Variants in ADAMTSL1 observed in about 807,000 individuals in gnomAD.
ADAMTSL1 encodes ADAMTS like 1.
ADAMTSL1 carries 126 observed loss-of-function variants against 201.8 expected under a neutral mutation model. The observed-to-expected ratio is 0.62, with a 90% confidence interval of 0.54 to 0.72. The LOEUF is 0.72. Among genes scored for constraint, ADAMTSL1 ranks in the 30% least tolerant of loss-of-function variants. The pLI, the probability that ADAMTSL1 is intolerant of heterozygous loss-of-function variation, is 0.00. For missense variants in ADAMTSL1, 2,679 were observed against 2,277.8 expected (o/e 1.18, Z -3.59); for synonymous variants, 1,121 against 903.4 (o/e 1.24, Z -4.32).
At chr9:18,792,146 C>A (rs1214157607) in intron 19 of ADAMTSL1, among the ~76,000 whole-genome samples, 1 of 152,078 alleles carries the variant, frequency 6.6e-6, no homozygotes, top group Non-Finnish European at 1.5e-5. Context: ...ATCATGTGCC[C>A]CTCTCACTCC....
intron 3 of ADAMTSL1, among the ~76,000 whole-genome samples, chr9:18,572,181 C>T (rs577309710): frequency 4.6e-4 from 68 of 148,702 alleles, no homozygotes; most frequent in African/African-American, 1.6e-3. Context: ...GGAGACAGAG[C>T]GAGACTCCTT....
At chr9:18,432,211 T>G (rs958340208) in intron 2 of ADAMTSL1, among the ~76,000 whole-genome samples, 7 of 152,164 alleles carry the variant, frequency 4.6e-5, no homozygotes, top group Admixed American at 2.6e-4. Flanking sequence ...TTTAATCAAA[T>G]CACTGATGAA....
chr9:18,320,258 C>T (rs1834566596), intron 2 of ADAMTSL1, among the ~76,000 whole-genome samples: 1 of 152,176 alleles, frequency 6.6e-6, no homozygotes, highest in African/African-American at 2.4e-5. Context: ...TTCTGACCCA[C>T]AGAACTGTGA....
At position 18,865,200 on chromosome 9, in the gene ADAMTSL1, C is replaced by G. The variant is rs545525017; in HGVS notation, c.4250-22631C>G. Among the ~76,000 whole-genome samples the G allele has an allele frequency of 2.6e-5, 4 of 152,176 alleles. No individual in the cohort carries two copies. In the South Asian group the frequency reaches 6.2e-4, roughly 24 times the overall value. ...TGCTATCCCTCCCCGCTCCCCCCACCCCACAATAGGCCCCGGTGTGTGATG... is the reference window on the plus strand; with the variant it reads ...TGCTATCCCTCCCCGCTCCCCCCACGCCACAATAGGCCCCGGTGTGTGATG... On this transcript the variant is annotated intron_variant, in intron 23 of 28. Coordinates refer to ENST00000380548, the MANE Select transcript of ADAMTSL1 (RefSeq NM_001040272.6).
chr9:18,522,229 C>G (rs1457121545), intron 2 of ADAMTSL1, among the ~76,000 whole-genome samples: 2 of 152,058 alleles, frequency 1.3e-5, no homozygotes, highest in African/African-American at 4.8e-5. Context: ...ATCCCTAACC[C>G]ATACCTCAGC....
At chr9:18,263,154 A>T (rs1831987897) in intron 2 of ADAMTSL1, among the ~76,000 whole-genome samples, 1 of 152,140 alleles carries the variant, frequency 6.6e-6, no homozygotes, top group Admixed American at 6.5e-5. Context: ...AAGCCCAGAA[A>T]ATGACCATTC....
chr9:18,707,177 T>G, intron 14 of ADAMTSL1, 129 bp downstream of exon 14: 1 of 1,197,800 alleles, frequency 8.3e-7, no homozygotes. Context: ...GAGGCAGCCA[T>G]TCTAAATGTA....
intron 15 of ADAMTSL1, among the ~76,000 whole-genome samples, chr9:18,740,424 G>A (rs1045456521): frequency 1.4e-5 from 2 of 138,970 alleles, no homozygotes; most frequent in Non-Finnish European, 3.1e-5. Context: ...AGTTTTCCAA[G>A]GATTTACTAG....
At chr9:18,830,957 G>A (rs142252763) in intron 23 of ADAMTSL1, among the ~76,000 whole-genome samples, 1 of 152,300 alleles carries the variant, frequency 6.6e-6, no homozygotes, top group Non-Finnish European at 1.5e-5. Flanking sequence ...TAAAGCTTCT[G>A]TATTCTTTTA....
At chr9:17,973,162 A>G (rs1003131719) in intron 1 of ADAMTSL1, among the ~76,000 whole-genome samples, 5 of 151,094 alleles carry the variant, frequency 3.3e-5, no homozygotes, top group Admixed American at 6.6e-5. Flanking sequence ...GAAGCTCTTT[A>G]GTTTAATTAG....
intron 25 of ADAMTSL1, chr9:18,890,492 C>T: frequency 2.2e-6 from 1 of 455,990 alleles, no homozygotes; most frequent in Non-Finnish European, 4.4e-6. Context: ...TCAAATGCCC[C>T]TTTACTACCT....
Position 18,343,791 on chromosome 9 carries a change from G to A in ADAMTSL1, c.208-161038G>A, listed in dbSNP as rs554662506. Among the ~76,000 whole-genome samples the A allele has an allele frequency of 3.9e-5, 6 of 152,132 alleles. 1 individual carries two copies. The highest frequency in any genetic ancestry group is 1.4e-4 in the African/African-American group (6 of 41,534). ...GCATTGATCTGGCTTAGGGTCCCTG[G>A]GCATTTGTGCTTAAAGAATTCCATT... On this transcript the variant is annotated intron_variant, in intron 2 of 29. Transcript: ENST00000680146.
At chr9:18,292,356 G>T (rs1184162442) in intron 2 of ADAMTSL1, among the ~76,000 whole-genome samples, 1 of 152,138 alleles carries the variant, frequency 6.6e-6, no homozygotes, top group Admixed American at 6.5e-5. Flanking sequence ...ATGATGAAAT[G>T]GTAAGTAAAG....
chr9:18,019,782 G>T (rs1820405911), intron 1 of ADAMTSL1, among the ~76,000 whole-genome samples: 1 of 152,084 alleles, frequency 6.6e-6, no homozygotes, highest in Non-Finnish European at 1.5e-5. Flanking sequence ...CAGGAAGCAG[G>T]CAGGAAAAAC....
At chr9:18,241,164 G>A (rs1831046497) in intron 2 of ADAMTSL1, among the ~76,000 whole-genome samples, 1 of 152,066 alleles carries the variant, frequency 6.6e-6, no homozygotes. Flanking sequence ...CTAGTTTTCT[G>A]TCTATTTTGG....
intron 15 of ADAMTSL1, among the ~76,000 whole-genome samples, chr9:18,746,240 G>A (rs945669663): frequency 6.6e-6 from 1 of 152,180 alleles, no homozygotes; most frequent in Non-Finnish European, 1.5e-5. Flanking sequence ...GATAAATTGG[G>A]AGCCACTAAT....
chr9:18,905,975 A>G, intron 27 of ADAMTSL1, 84 bp downstream of exon 27: 2 of 1,237,878 alleles, frequency 1.6e-6, no homozygotes, highest in Non-Finnish European at 2.3e-6. Context: ...TTCTCCTCCA[A>G]CTAACTTACC....
chr9:18,269,845 CTTTT>C (rs11376831), intron 2 of ADAMTSL1, among the ~76,000 whole-genome samples: 3 of 145,544 alleles, frequency 2.1e-5, no homozygotes, highest in Admixed American at 6.9e-5. Flanking sequence ...CCTCTTCATC[CTTTT>C]TTTTTTTTTT....
At chr9:18,565,144 T>C (rs1160204516) in intron 3 of ADAMTSL1, among the ~76,000 whole-genome samples, 15 of 152,222 alleles carry the variant, frequency 9.9e-5, no homozygotes, top group Admixed American at 9.8e-4. Context: ...GGATTGATGA[T>C]TCATTATATC....
Sources: allele counts gnomAD v4.1 joint callset (sites outside exome capture counted in the v4.1 genomes callset), GRCh38; gene constraint gnomAD v4.1.1; transcripts MANE v1.5; gene names NCBI Gene and HGNC (gene_info 2026-07-23, HGNC 2026-07-21).